Variants in AKAP13 observed in about 807,000 individuals in gnomAD.
AKAP13 encodes the protein A-kinase anchoring protein 13.
Under a neutral mutation model 264.5 loss-of-function variants are expected in AKAP13, and 80 were observed. The observed-to-expected ratio is 0.30, with a 90% confidence interval of 0.25 to 0.36. The LOEUF (loss-of-function observed/expected upper bound fraction) is 0.36. AKAP13 is among the 10% of genes least tolerant of loss of function. The pLI is 1.00. For synonymous variants in AKAP13, 1,380 were observed against 1,250.2 expected (o/e 1.10, Z -2.19); for missense variants, 3,712 against 3,435.2 (o/e 1.08, Z -2.01).
chr15:85,630,166 T>TACACACAC lies in AKAP13; in HGVS notation c.4162-9172_4162-9165dup, dbSNP rs59852934. ...TCTCTATTCTCTGTTTTTTAACACA[T>TACACACAC]ACACACACACACACACACACACACA... is the stretch of plus-strand genomic sequence containing the variant. On this transcript the variant is annotated intron_variant, in intron 8 of 36. Coordinates refer to ENST00000394518, the MANE Select transcript of AKAP13 (RefSeq NM_007200.5). 2.0e-3 allele frequency among the ~76,000 whole-genome samples: 202 copies of TACACACAC among 100,174 alleles called. 1 individual carries two copies. The highest frequency in any genetic ancestry group is 0.013 in the Middle Eastern group (2 of 154). The allele number at this position is 100,174 out of a possible 152,430, so 65.7% of individuals were successfully genotyped here. A position where few individuals can be genotyped will look rare whatever the true frequency, so the allele number is the denominator to read the frequency against.
chr15:85,666,635 A>G (rs957132336), intron 13 of AKAP13, among the ~76,000 whole-genome samples: 1 of 152,144 alleles, frequency 6.6e-6, no homozygotes, highest in Non-Finnish European at 1.5e-5. Flanking sequence ...TGCAGCTTCA[A>G]CTTCCCCAGT....
intron 3 of AKAP13, among the ~76,000 whole-genome samples, chr15:85,531,080 C>G (rs544947614): frequency 6.6e-6 from 1 of 152,080 alleles, no homozygotes; most frequent in Admixed American, 6.6e-5. Flanking sequence ...AGGCTGGTCT[C>G]GAACTCCTGG....
In AKAP13 at chr15:85,664,644, C is replaced by G; in HGVS notation, c.4881C>G (p.Ala1627=). 6.2e-7 allele frequency: 1 copy of G among 1,614,018 alleles called. No homozygotes were observed. Residue 1627 remains alanine, a synonymous_variant, in exon 13 of 37, where the codon GCC becomes GCG. Transcript: ENST00000394518. ...SSSLEVSSAN[A]EELRHPFSGE... ...CTCTAGAAGTAAGCTCTGCAAATGC[C>G]GAAGAGCTCAGACACCCATTCAGTG...
rs747848363 is a variant in AKAP13, at chr15:85,639,381, G to A, written c.4169G>A (p.Arg1390Gln). 7.5e-6 allele frequency: 12 copies of A among 1,609,390 alleles called. No individual in the cohort carries two copies. Among genetic ancestry groups the A allele is most frequent in the Admixed American group, 3.3e-5 (2 of 59,968 alleles). Residue 1390 changes from arginine (R) to glutamine (Q), a missense_variant, in exon 9 of 37, where the codon CGA becomes CAA. By Grantham distance (43) the Arg-to-Gln change is conservative. Transcript: ENST00000394518. ...KQGPMTQAIN[R>Q]ENWCTIEPCP... ...GTTTTCTTTTTCTTTCAGATAAACC[G>A]AGAAAACTGGTGTACAATAGAGCCA...
At position 85,735,451 on chromosome 15, in the gene AKAP13, T is replaced by G. The variant is rs1333756406; in HGVS notation, c.7442-109T>G. 20 of 1,136,836 alleles carry G rather than the reference T, an allele frequency of 1.8e-5. No homozygotes were observed. The East Asian group carries it at 4.7e-4, about 27-fold the overall frequency. 70.4% of individuals were successfully genotyped at this position (1,136,836 alleles called of 1,614,324 possible). A position where few individuals can be genotyped will look rare whatever the true frequency, so the allele number is the denominator to read the frequency against. On this transcript the variant is annotated intron_variant, in intron 31 of 36. Transcript: ENST00000394518. ...AAGCAGCTCCCCCTTTTTGGGGGCA[T>G]CAGTAGGTTTCAGACATACTACATC...
At chr15:85,459,135 C>T (rs912650289) in intron 1 of AKAP13, among the ~76,000 whole-genome samples, 1 of 152,164 alleles carries the variant, frequency 6.6e-6, no homozygotes, top group African/African-American at 2.4e-5. Context: ...GTATCAAAGA[C>T]ACCTCAAAAG....
chr15:85,443,659 A>G (rs1279488268), intron 1 of AKAP13, among the ~76,000 whole-genome samples: 1 of 152,080 alleles, frequency 6.6e-6, no homozygotes, highest in Non-Finnish European at 1.5e-5. Flanking sequence ...TATGTGACCG[A>G]CTGCTGTCTT....
chr15:85,508,803 G>T (rs1181336108), intron 2 of AKAP13, among the ~76,000 whole-genome samples: 2 of 151,964 alleles, frequency 1.3e-5, no homozygotes, highest in African/African-American at 2.4e-5. Context: ...TTTTGAACAC[G>T]CTGAGTTTGT....
At chr15:85,454,664 C>A (rs534322021) in intron 1 of AKAP13, among the ~76,000 whole-genome samples, 1 of 152,132 alleles carries the variant, frequency 6.6e-6, no homozygotes, top group Non-Finnish European at 1.5e-5. Flanking sequence ...AAAATCTTAT[C>A]GTGATGTAAT....
intron 1 of AKAP13, among the ~76,000 whole-genome samples, chr15:85,406,089 C>A (rs759004469): frequency 6.6e-6 from 1 of 152,172 alleles, no homozygotes. Flanking sequence ...TGGCCTCAAG[C>A]GATCCTCCTG....
chr15:85,733,856 TTTC>T (rs2088224886), intron 30 of AKAP13, among the ~76,000 whole-genome samples: 2 of 146,720 alleles, frequency 1.4e-5, no homozygotes, highest in African/African-American at 2.5e-5. Flanking sequence ...CTTTTGTCAT[TTTC>T]TTTTCTTTCT....
chr15:85,521,440 G>A lies in AKAP13; in HGVS notation c.46G>A (p.Val16Ile), dbSNP rs1338086517. 1.2e-6 allele frequency: 2 copies of A among 1,614,042 alleles called. No individual in the cohort carries two copies. Among genetic ancestry groups the A allele is most frequent in the South Asian group, 2.2e-5 (2 of 91,064 alleles). Residue 16 changes from valine to isoleucine, a missense_variant, in exon 3 of 37, where the codon GTT becomes ATT. Physicochemically the swap from Val to Ile is conservative, Grantham distance 29 (BLOSUM62 3). This residue lies in a region of AKAP13 where 2,759 missense variants were observed against 2,411.7 expected (regional missense o/e 1.14). Transcript: ENST00000394518. ...QQAPLYGDCV[V>I]TVLLAEEDKA... The stretch of plus-strand genomic sequence containing the variant: ...TTTCCTTTCCTAGGGTGATTGTGTT[G>A]TTACAGTGCTGCTTGCTGAAGAGGA...
chr15:85,712,783 A>G (rs780609211), intron 19 of AKAP13, among the ~76,000 whole-genome samples: 8 of 152,114 alleles, frequency 5.3e-5, no homozygotes, highest in Non-Finnish European at 8.8e-5. Context: ...ACCTCAAGGC[A>G]TCTGTCTGTC....
At chr15:85,467,620 C>A (rs115494499) in intron 1 of AKAP13, among the ~76,000 whole-genome samples, 1 of 152,142 alleles carries the variant, frequency 6.6e-6, no homozygotes, top group African/African-American at 2.4e-5. Flanking sequence ...TGGCCACTCC[C>A]TTGTGTCTTC....
At chr15:85,466,714 G>A (rs983338518) in intron 1 of AKAP13, among the ~76,000 whole-genome samples, 1 of 152,148 alleles carries the variant, frequency 6.6e-6, no homozygotes, top group African/African-American at 2.4e-5. Context: ...TGGGCACACA[G>A]TACTTTTTAT....
intron 11 of AKAP13, 39 bp downstream of exon 11, chr15:85,655,826 G>A (rs767230150): frequency 1.3e-5 from 20 of 1,557,274 alleles, no homozygotes; most frequent in Non-Finnish European, 1.6e-5. Flanking sequence ...CTCAGTGTCT[G>A]CTTGCTTTTG....
intron 17 of AKAP13, chr15:85,701,292 G>C (rs1232844754): frequency 2.6e-5 from 4 of 152,166 alleles, no homozygotes; most frequent in African/African-American, 9.7e-5. Context: ...TGGGAAGTCT[G>C]TCGGTGGGGA....
At chr15:85,522,932 C>T (rs1383530602) in intron 3 of AKAP13, among the ~76,000 whole-genome samples, 1 of 134,376 alleles carries the variant, frequency 7.4e-6, no homozygotes, top group East Asian at 2.5e-4. Flanking sequence ...ACCCACACCC[C>T]CTCCCCCCGT....
chr15:85,385,218 G>T (rs2070494441), intron 1 of AKAP13, among the ~76,000 whole-genome samples: 1 of 152,118 alleles, frequency 6.6e-6, no homozygotes, highest in Non-Finnish European at 1.5e-5. Context: ...CAACAAGAAA[G>T]ATTAACGTTA....
Sources: gnomAD v4.1 joint callset for allele counts (sites outside exome capture counted in the v4.1 genomes callset) on GRCh38, gnomAD v4.1.1 for gene constraint, gnomAD v4.1.1 regional missense constraint, MANE v1.5 for transcripts, NCBI Gene and HGNC (gene_info 2026-07-23, HGNC 2026-07-21) for gene names.